GALNTL6: variants seen among roughly 807,000 people sequenced by gnomAD.
The protein encoded by GALNTL6 is polypeptide N-acetylgalactosaminyltransferase-like 6.
Under a neutral mutation model 73.7 loss-of-function variants are expected in GALNTL6, and 46 were observed. The observed-to-expected ratio is 0.62, with a 90% confidence interval of 0.49 to 0.80. The LOEUF (loss-of-function observed/expected upper bound fraction) is 0.80. Ranked by LOEUF, GALNTL6 falls within the 30% of genes least tolerant of loss-of-function variation. GALNTL6 has a pLI of 0.00. For synonymous variants in GALNTL6, 259 were observed against 263.7 expected, an observed-to-expected ratio of 0.98 and a Z score of 0.17; for missense variants, 604 against 755.0, an observed-to-expected ratio of 0.80 and a Z score of 2.34.
intron 7 of GALNTL6, among the ~76,000 whole-genome samples, chr4:172,816,774 T>C (rs1716923656): frequency 6.6e-6 from 1 of 152,156 alleles, no homozygotes; most frequent in South Asian, 2.1e-4. Context: ...ATTCAAATTA[T>C]TATATGGTGG....
intron 3 of GALNTL6, among the ~76,000 whole-genome samples, chr4:172,235,104 T>C (rs1390652540): frequency 6.6e-6 from 1 of 152,198 alleles, no homozygotes; most frequent in African/African-American, 2.4e-5. Flanking sequence ...CTCATAAGAT[T>C]TTCGTAATGC....
chr4:172,592,953 T>A (rs1737709420), intron 5 of GALNTL6, among the ~76,000 whole-genome samples: 1 of 152,020 alleles, frequency 6.6e-6, no homozygotes, highest in Non-Finnish European at 1.5e-5. Context: ...AGCTTTTTTT[T>A]ATCCTAGGAT....
rs1561058781 is a variant in GALNTL6 at position 172,963,087 on chromosome 4, A to ACTCCTCACCCCCTGGCTTC, written c.1371+10836_1371+10854dup. ...TGTGTCCCCTCCAACCTCCTCTCTGACTCCTCACCCCCTGGCTTCCTCCTC... is the reference window on the plus strand; with the variant it reads ...TGTGTCCCCTCCAACCTCCTCTCTGACTCCTCACCCCCTGGCTTCCTCCTCACCCCCTGGCTTCCTCCTC... On this transcript the variant is annotated intron_variant, in intron 10 of 12. Transcript: ENST00000506823. Among the ~76,000 whole-genome samples the ACTCCTCACCCCCTGGCTTC allele has an allele frequency of 6.6e-5, 10 of 151,048 alleles. No individual in the cohort carries two copies. In the South Asian group the frequency reaches 2.1e-3, roughly 32 times the overall value.
chr4:172,808,172 A>G (rs1560966523), intron 5 of GALNTL6, among the ~76,000 whole-genome samples: 1 of 152,208 alleles, frequency 6.6e-6, no homozygotes, highest in African/African-American at 2.4e-5. Context: ...TATTGTTTTC[A>G]TTGACCCATT....
At chr4:172,279,915 T>G (rs1021469699) in intron 3 of GALNTL6, among the ~76,000 whole-genome samples, 2 of 152,214 alleles carry the variant, frequency 1.3e-5, no homozygotes, top group African/African-American at 4.8e-5. Context: ...ACCCACGTCC[T>G]GTCACATGCT....
At chr4:172,853,066 G>T (rs543533328) in intron 7 of GALNTL6, among the ~76,000 whole-genome samples, 1 of 152,278 alleles carries the variant, frequency 6.6e-6, no homozygotes, top group African/African-American at 2.4e-5. Flanking sequence ...TTATCTCATG[G>T]TTTCTGCAGG....
intron 2 of GALNTL6, among the ~76,000 whole-genome samples, chr4:172,091,621 A>G (rs1188918563): frequency 1.3e-5 from 2 of 152,232 alleles, no homozygotes; most frequent in African/African-American, 4.8e-5. Flanking sequence ...CCTTGGTAAA[A>G]TAACCAGTGT....
At chr4:172,898,988 T>G (rs913401551) in intron 8 of GALNTL6, among the ~76,000 whole-genome samples, 1 of 152,180 alleles carries the variant, frequency 6.6e-6, no homozygotes, top group Non-Finnish European at 1.5e-5. Flanking sequence ...AGATTACTGG[T>G]GCATGCAGCC....
intron 5 of GALNTL6, among the ~76,000 whole-genome samples, chr4:172,714,855 AT>A (rs1553977183): frequency 6.6e-6 from 1 of 152,184 alleles, no homozygotes; most frequent in Non-Finnish European, 1.5e-5. Flanking sequence ...CCACTCATGC[AT>A]TTTAACATGA....
chr4:172,842,090 T>C (rs1743245162), intron 7 of GALNTL6, among the ~76,000 whole-genome samples: 1 of 152,200 alleles, frequency 6.6e-6, no homozygotes, highest in South Asian at 2.1e-4. Context: ...AGTGACTTAC[T>C]CAAGTCAGAG....
chr4:172,253,463 T>C (rs573860338), intron 3 of GALNTL6, among the ~76,000 whole-genome samples: 1 of 151,998 alleles, frequency 6.6e-6, no homozygotes, highest in South Asian at 2.1e-4. Context: ...GACTCCCATA[T>C]TAAAGTCTGC....
At chr4:172,038,117 C>CA (rs5864107) in intron 2 of GALNTL6, among the ~76,000 whole-genome samples, 29,407 of 145,926 alleles carry the variant, frequency 0.2, 3,105 homozygotes, top group African/African-American at 0.29. Flanking sequence ...GACTCTGTCT[C>CA]AAAAAAAAAA....
intron 5 of GALNTL6, among the ~76,000 whole-genome samples, chr4:172,472,174 G>A (rs995672117): frequency 6.6e-5 from 10 of 152,098 alleles, no homozygotes; most frequent in African/African-American, 2.4e-4. Context: ...TACATACCAG[G>A]CATAGGTCTA....
chr4:172,774,847 C>T (rs1016676982), intron 5 of GALNTL6, among the ~76,000 whole-genome samples: 4 of 152,114 alleles, frequency 2.6e-5, no homozygotes, highest in Non-Finnish European at 5.9e-5. Context: ...GTAGTCCCAG[C>T]TACTCGGGAG....
chr4:172,756,630 C>T (rs1019902983), intron 5 of GALNTL6, among the ~76,000 whole-genome samples: 9 of 149,664 alleles, frequency 6.0e-5, no homozygotes, highest in Admixed American at 1.3e-4. Context: ...CCGGCAACAG[C>T]GTGTGACTAA....
intron 8 of GALNTL6, among the ~76,000 whole-genome samples, chr4:172,910,977 TGG>T (rs1269122977): frequency 1.3e-5 from 2 of 152,250 alleles, no homozygotes; most frequent in African/African-American, 2.4e-5. Flanking sequence ...GGGTTGTTTC[TGG>T]GCCCTTGTCC....
chr4:171,990,383 G>A (rs1044236619), intron 2 of GALNTL6, among the ~76,000 whole-genome samples: 2 of 151,834 alleles, frequency 1.3e-5, no homozygotes, highest in African/African-American at 2.4e-5. Context: ...AAAGAAATTG[G>A]GTAGTTAAGT....
chr4:172,975,866 G>C (rs1225002398), intron 10 of GALNTL6, among the ~76,000 whole-genome samples: 1 of 152,204 alleles, frequency 6.6e-6, no homozygotes, highest in African/African-American at 2.4e-5. Context: ...TCGGGGAGAA[G>C]CCAGACAGCA....
At chr4:172,208,847 A>C (rs890035956) in intron 2 of GALNTL6, among the ~76,000 whole-genome samples, 16 of 152,270 alleles carry the variant, frequency 1.1e-4, no homozygotes, top group Admixed American at 3.3e-4. Flanking sequence ...TGTCTGTGTG[A>C]GAAACCGAAG....
Sources: allele counts gnomAD v4.1 joint callset (sites outside exome capture counted in the v4.1 genomes callset), GRCh38; gene constraint gnomAD v4.1.1; transcripts MANE v1.5; gene names NCBI Gene and HGNC (gene_info 2026-07-23, HGNC 2026-07-21).